The following PPP3CA variants were observed in gnomAD, a reference collection of about 807,000 sequenced individuals.
The protein encoded by PPP3CA is protein phosphatase 3 catalytic subunit alpha.
PPP3CA carries 14 observed loss-of-function variants against 66.5 expected under a neutral mutation model. The observed-to-expected ratio is 0.21, with a 90% CI of 0.14 to 0.33. PPP3CA has a LOEUF of 0.33. PPP3CA is among the 10% of genes least tolerant of loss of function. PPP3CA has a pLI of 1.00. For missense variants in PPP3CA, 317 were observed against 639.5 expected, an observed-to-expected ratio of 0.50 and a Z score of 5.44; for synonymous variants, 232 against 226.2, an observed-to-expected ratio of 1.03 and a Z score of -0.23.
chr4:101,308,278 A>G (rs538878614), intron 1 of PPP3CA, among the ~76,000 whole-genome samples: 2 of 152,338 alleles, frequency 1.3e-5, no homozygotes, highest in South Asian at 4.1e-4. Context: ...TTCTTCAAAG[A>G]TGAATAGACC....
At chr4:101,267,807 C>A (rs565137179) in intron 1 of PPP3CA, among the ~76,000 whole-genome samples, 1 of 152,162 alleles carries the variant, frequency 6.6e-6, no homozygotes, top group Admixed American at 6.5e-5. Context: ...GAATTTATAA[C>A]CATAGTTTAT....
At chr4:101,058,719 G>A (rs1390009877) in intron 10 of PPP3CA, among the ~76,000 whole-genome samples, 1 of 152,140 alleles carries the variant, frequency 6.6e-6, no homozygotes, top group Non-Finnish European at 1.5e-5. Context: ...TAATTGAGAT[G>A]GTGAGTAAAG....
At chr4:101,152,684 C>A (rs973572675) in intron 2 of PPP3CA, among the ~76,000 whole-genome samples, 2 of 152,172 alleles carry the variant, frequency 1.3e-5, no homozygotes, top group Non-Finnish European at 2.9e-5. Context: ...ATCAACCAAT[C>A]AACCAGTCAA....
intron 10 of PPP3CA, among the ~76,000 whole-genome samples, chr4:101,056,408 T>C (rs1260010011): frequency 6.6e-6 from 1 of 152,120 alleles, no homozygotes; most frequent in Non-Finnish European, 1.5e-5. Flanking sequence ...AAACAGGAGT[T>C]GACAGATTCT....
At chr4:101,146,679 G>A (rs1256053782) in intron 2 of PPP3CA, among the ~76,000 whole-genome samples, 1 of 152,010 alleles carries the variant, frequency 6.6e-6, no homozygotes, top group African/African-American at 2.4e-5. Flanking sequence ...CTGACCTCGT[G>A]ATCTGCCCAC....
At chr4:101,207,727 G>A (rs1453727143) in intron 1 of PPP3CA, among the ~76,000 whole-genome samples, 1 of 152,110 alleles carries the variant, frequency 6.6e-6, no homozygotes, top group Non-Finnish European at 1.5e-5. Context: ...TTGGGAGGCT[G>A]AGGCAGGAGA....
At chr4:101,304,236 T>A (rs1728468295) in intron 1 of PPP3CA, among the ~76,000 whole-genome samples, 1 of 152,190 alleles carries the variant, frequency 6.6e-6, no homozygotes. Context: ...GTTTTTTGAT[T>A]CTATTTGTGC....
intron 2 of PPP3CA, among the ~76,000 whole-genome samples, chr4:101,146,325 G>A (rs1200056684): frequency 6.6e-6 from 1 of 152,172 alleles, no homozygotes; most frequent in Non-Finnish European, 1.5e-5. Flanking sequence ...TAATTCATAT[G>A]TCATTCATAA....
At chr4:101,094,456 T>C (rs1367871844) in intron 5 of PPP3CA, among the ~76,000 whole-genome samples, 2 of 152,230 alleles carry the variant, frequency 1.3e-5, no homozygotes, top group Non-Finnish European at 2.9e-5. Context: ...AAGATGGCTT[T>C]TACTTTAAAA....
chr4:101,096,350 G>A (rs537148003), intron 5 of PPP3CA, among the ~76,000 whole-genome samples: 1 of 152,084 alleles, frequency 6.6e-6, no homozygotes, highest in Admixed American at 6.5e-5. Flanking sequence ...TCAAAACCAT[G>A]AGTTTCATTA....
chr4:101,111,501 T>C (rs1488180476), intron 2 of PPP3CA, among the ~76,000 whole-genome samples: 1 of 152,142 alleles, frequency 6.6e-6, no homozygotes, highest in Admixed American at 6.6e-5. Context: ...GCTTCAGACA[T>C]TATTTGGAAT....
chr4:101,228,488 C>T (rs1421920463), intron 1 of PPP3CA, among the ~76,000 whole-genome samples: 3 of 151,460 alleles, frequency 2.0e-5, no homozygotes, highest in African/African-American at 7.3e-5. Context: ...TGATTAAAGG[C>T]ACCATGCAAA....
chr4:101,271,545 A>G (rs1186010317), intron 1 of PPP3CA, among the ~76,000 whole-genome samples: 2 of 152,186 alleles, frequency 1.3e-5, no homozygotes, highest in Admixed American at 6.5e-5. Context: ...AAACACAAAT[A>G]AAAAAGCATA....
At chr4:101,221,601 T>A (rs1396183015) in intron 1 of PPP3CA, among the ~76,000 whole-genome samples, 2 of 151,468 alleles carry the variant, frequency 1.3e-5, no homozygotes, top group East Asian at 3.9e-4. Flanking sequence ...AAAGAATATA[T>A]AAGAAGAAAT....
chr4:101,210,453 C>T (rs188454119), intron 1 of PPP3CA, among the ~76,000 whole-genome samples: 3 of 152,270 alleles, frequency 2.0e-5, no homozygotes, highest in East Asian at 3.9e-4. Context: ...ATTAAACAAA[C>T]TAATATTTGT....
At chr4:101,205,318 A>T (rs1169189611) in intron 1 of PPP3CA, among the ~76,000 whole-genome samples, 1 of 152,098 alleles carries the variant, frequency 6.6e-6, no homozygotes, top group Non-Finnish European at 1.5e-5. Context: ...GTACATTTTT[A>T]AAAATTTATT....
At chr4:101,316,043 T>G (rs1372035912) in intron 1 of PPP3CA, among the ~76,000 whole-genome samples, 1 of 152,042 alleles carries the variant, frequency 6.6e-6, no homozygotes, top group Non-Finnish European at 1.5e-5. Context: ...GTAAGAAACA[T>G]TTAAGGATAC....
intron 8 of PPP3CA, among the ~76,000 whole-genome samples, chr4:101,075,494 C>T (rs1019318243): frequency 1.6e-4 from 24 of 152,282 alleles, no homozygotes; most frequent in African/African-American, 5.1e-4. Context: ...TCTAATCACC[C>T]GTCCATCCAA....
intron 1 of PPP3CA, among the ~76,000 whole-genome samples, chr4:101,295,777 T>G (rs910007516): frequency 1.3e-5 from 2 of 152,246 alleles, no homozygotes; most frequent in African/African-American, 4.8e-5. Context: ...TAAAGATGTT[T>G]CCATTCCCTC....
Sources: allele counts gnomAD v4.1 joint callset (sites outside exome capture counted in the v4.1 genomes callset), GRCh38; gene constraint gnomAD v4.1.1; transcripts MANE v1.5; gene names NCBI Gene and HGNC (gene_info 2026-07-23, HGNC 2026-07-21).